The following PKHD1L1 variants were observed in gnomAD, a reference collection of about 807,000 sequenced individuals.
The protein encoded by PKHD1L1 is fibrocystin-L.
In PKHD1L1, 434 loss-of-function variants were observed where a neutral mutation model predicts 462.9. The ratio of observed to expected loss-of-function variants is 0.94; its 90% CI spans 0.87 to 1.02. The LOEUF (loss-of-function observed/expected upper bound fraction) is 1.02, where lower values mean the gene tolerates loss of function less well. Ranked by LOEUF, PKHD1L1 falls within the 50% of genes least tolerant of loss-of-function variation. PKHD1L1 has a pLI of 0.00. For synonymous variants in PKHD1L1, 1,781 were observed against 1,750.0 expected (o/e 1.02, Z -0.44); for missense variants, 5,202 against 5,096.1 (o/e 1.02, Z -0.63).
intron 50 of PKHD1L1, among the ~76,000 whole-genome samples, chr8:109,467,868 G>T (rs1012711037): frequency 1.3e-5 from 2 of 151,804 alleles, no homozygotes; most frequent in African/African-American, 4.8e-5. Flanking sequence ...ATGGAAAACT[G>T]TCATCATCAA....
Position 109,504,434 on chromosome 8 carries a change from A to G in PKHD1L1, c.10936A>G (p.Ile3646Val). 1 of 1,564,794 alleles carries G rather than the reference A, an allele frequency of 6.4e-7. No individual in the cohort carries two copies. Among genetic ancestry groups the G allele is most frequent in the East Asian group, 2.3e-5 (1 of 43,578 alleles). The change falls in exon 68 of 78, where the codon ATA (isoleucine) becomes GTA (valine). Residue 3646 changes from isoleucine (I) to valine (V), a missense_variant. Coordinates refer to ENST00000378402, the MANE Select transcript of PKHD1L1 (RefSeq NM_177531.6). ...DLQHPIHVKN[I>V]KLVDTTEQSK... ...ACAGCATCCAATCCATGTGAAGAAT[A>G]TAAAACTGGTTGATACCACTGAACA...
Position 109,483,095 on chromosome 8 carries a change from TGGA to T in PKHD1L1, c.9567_9569del (p.Asp3190del). On this transcript the variant is annotated inframe_deletion, in exon 57 of 78. Coordinates refer to ENST00000378402, the MANE Select transcript of PKHD1L1 (RefSeq NM_177531.6). ...AAAGTCCTGTCTCTGATGGATGCTG[TGGA>T]TTGGCAGGTAGACAAAATAATTATG... is the stretch of plus-strand genomic sequence containing the variant. The T allele has an allele frequency of 3.8e-6, 6 of 1,580,764 alleles. No homozygotes were observed. Among genetic ancestry groups the T allele is most frequent in the Non-Finnish European group, 5.2e-6 (6 of 1,163,662 alleles).
At chr8:109,461,651 A>C in intron 47 of PKHD1L1, 121 bp from the exon 48 acceptor site, 1 of 1,045,892 alleles carries the variant, frequency 9.6e-7, no homozygotes, top group Non-Finnish European at 1.4e-6. Flanking sequence ...GCAAATAACT[A>C]TGTTCTAGGA....
chr8:109,462,929 G>T (rs887711586), intron 48 of PKHD1L1, among the ~76,000 whole-genome samples: 23 of 152,030 alleles, frequency 1.5e-4, no homozygotes, highest in Admixed American at 7.9e-4. Context: ...TTTGACAAGG[G>T]TTATCGCTCC....
At chr8:109,476,947 G>T (rs997394744) in intron 52 of PKHD1L1, among the ~76,000 whole-genome samples, 11 of 152,058 alleles carry the variant, frequency 7.2e-5, no homozygotes, top group African/African-American at 2.7e-4. Context: ...GCTGGCATAT[G>T]TTTTGTTTCC....
In PKHD1L1 at chr8:109,438,886, TAAAATACCAGGAGAA is replaced by T. The variant is rs1815602181; in HGVS notation, c.3761-10_3765del. ...ACTTTTTGCATTATTTTTTAAATTT[TAAAATACCAGGAGAA>T]GTTAATTTAACAATTAAGGGCTATA... On this transcript the variant is annotated splice_acceptor_variant and splice_polypyrimidine_tract_variant and coding_sequence_variant and intron_variant, in exon 32 of 78. Transcript: ENST00000378402. LOFTEE classifies it high-confidence loss of function. The T allele has an allele frequency of 6.4e-7, 1 of 1,552,396 alleles. No individual in the cohort carries two copies. The highest frequency in any genetic ancestry group is 1.4e-5 in the African/African-American group (1 of 72,168).
In PKHD1L1 at chr8:109,420,539, C is replaced by T. The variant is rs547689763; in HGVS notation, c.2546C>T (p.Pro849Leu). The T allele has an allele frequency of 6.9e-6, 11 of 1,595,796 alleles. No homozygotes were observed. The African/African-American group carries it at 1.2e-4, about 18-fold the overall frequency. ...TTAGAAATGCCCAAGAGAAGACTTC[C>T]TGCATTAGCAAATAAAGGAATATTC... Reference protein sequence around the residue: ...TLDEMPKRRLPALANKGIFLE... With the variant: ...TLDEMPKRRLLALANKGIFLE... The change falls in exon 23 of 78, where the codon CCT becomes CTT. Residue 849 changes from proline to leucine, a missense_variant. Transcript: ENST00000378402.
chr8:109,428,262 G>A (rs1321837823), intron 25 of PKHD1L1, among the ~76,000 whole-genome samples: 2 of 152,120 alleles, frequency 1.3e-5, no homozygotes, highest in African/African-American at 2.4e-5. Flanking sequence ...AGTCACTGCA[G>A]CATTATTTGT....
At position 109,389,102 on chromosome 8, in the gene PKHD1L1, C is replaced by T. The variant is rs1415547006; in HGVS notation, c.647C>T (p.Pro216Leu). ...AGATATGGTCTAAAACTGGATCATC[C>T]AAATGGAGATATGGGTTCTATGGTT... ...DNLYGLKLDH[P>L]NGDMGSMVCK... Residue 216 changes from proline (P) to leucine (L), a missense_variant, in exon 8 of 78, where the codon CCA (proline) becomes CTA (leucine). This residue lies in a region of PKHD1L1 where 4,497 missense variants were observed against 4,336.8 expected (regional missense o/e 1.04). Transcript: ENST00000378402. 6 of 1,609,672 alleles carry T rather than the reference C, an allele frequency of 3.7e-6. No individual in the cohort carries two copies. In the Admixed American group the frequency reaches 1.0e-4, roughly 27 times the overall value.
chr8:109,459,830 G>T lies in PKHD1L1; in HGVS notation c.7240G>T (p.Asp2414Tyr). ...AATTCCTGCATGTCCTGATGGATTT[G>T]ACACAGGTAATTTTAGCAGCTCTCG... ...NKIPACPDGF[D>Y]TGEFATQTCL... The change falls in exon 47 of 78, where the codon GAC becomes TAC. Residue 2414 changes from aspartate to tyrosine, a missense_variant. By Grantham distance (160) the Asp-to-Tyr change is radical. This residue lies in a region of PKHD1L1 where 4,497 missense variants were observed against 4,336.8 expected (regional missense o/e 1.04). Coordinates refer to ENST00000378402, the MANE Select transcript of PKHD1L1 (RefSeq NM_177531.6). The T allele has an allele frequency of 6.2e-7, 1 of 1,608,328 alleles. No individual in the cohort carries two copies. Among genetic ancestry groups the T allele is most frequent in the South Asian group, 1.1e-5 (1 of 90,186 alleles).
intron 36 of PKHD1L1, 27 bp from the exon 37 acceptor site, chr8:109,443,649 C>T: frequency 6.5e-7 from 1 of 1,541,916 alleles, no homozygotes; most frequent in East Asian, 2.3e-5. Context: ...TTATTCATGA[C>T]TTAACGGGCA....
At chr8:109,460,257 G>T (rs1173105246) in intron 47 of PKHD1L1, among the ~76,000 whole-genome samples, 1 of 152,110 alleles carries the variant, frequency 6.6e-6, no homozygotes, top group Admixed American at 6.6e-5. Context: ...AACTATATTT[G>T]ATAGTGATAC....
At chr8:109,455,766 T>C (rs1249942646) in intron 45 of PKHD1L1, among the ~76,000 whole-genome samples, 1 of 152,170 alleles carries the variant, frequency 6.6e-6, no homozygotes, top group African/African-American at 2.4e-5. Flanking sequence ...GTCTTCCACA[T>C]TGCAATAATC....
intron 27 of PKHD1L1, among the ~76,000 whole-genome samples, chr8:109,430,751 C>A (rs1168927338): frequency 6.6e-6 from 1 of 151,536 alleles, no homozygotes; most frequent in African/African-American, 2.4e-5. Context: ...TATATTGGTA[C>A]CTCCTAAAAA....
chr8:109,392,341 G>A (rs780485490), intron 9 of PKHD1L1, among the ~76,000 whole-genome samples: 5 of 152,218 alleles, frequency 3.3e-5, no homozygotes, highest in Middle Eastern at 3.4e-3. Flanking sequence ...AGTGATCAAG[G>A]TTGAACGTGA....
At chr8:109,444,616 A>G in intron 37 of PKHD1L1, 45 bp from the exon 38 acceptor site, 1 of 1,523,276 alleles carries the variant, frequency 6.6e-7, no homozygotes, top group South Asian at 1.3e-5. Flanking sequence ...TTTATACTGG[A>G]GGTATGTATT....
chr8:109,475,256 TC>T lies in PKHD1L1; in HGVS notation c.8745del (p.Tyr2916MetfsTer9). 6.2e-7 allele frequency: 1 copy of T among 1,605,226 alleles called. No homozygotes were observed. The highest frequency in any genetic ancestry group is 8.5e-7 in the Non-Finnish European group (1 of 1,174,646). On this transcript the variant is annotated frameshift_variant, in exon 51 of 78. Coordinates refer to ENST00000378402, the MANE Select transcript of PKHD1L1 (RefSeq NM_177531.6). LOFTEE classifies it high-confidence loss of function. ...HITNISYTST[F>X]YGFKEEDYVI... Reference sequence around the variant, plus strand: ...ACCAACATTTCATATACATCGACATTCTATGGATTCAAGGTAAAAATATTTA... The same window carrying T: ...ACCAACATTTCATATACATCGACATTTATGGATTCAAGGTAAAAATATTTA...
At chr8:109,484,948 G>T in intron 57 of PKHD1L1, 96 bp from the exon 58 acceptor site, 1 of 1,008,548 alleles carries the variant, frequency 9.9e-7, no homozygotes, top group Non-Finnish European at 1.4e-6. Flanking sequence ...TTGCCAATGA[G>T]ATATACATTA....
Position 109,507,704 on chromosome 8 carries a change from C to T in PKHD1L1, c.11036C>T (p.Ala3679Val), listed in dbSNP as rs1353803942. 3 of 1,613,412 alleles carry T rather than the reference C, an allele frequency of 1.9e-6. No individual in the cohort carries two copies. Among genetic ancestry groups the T allele is most frequent in the Middle Eastern group, 1.7e-4 (1 of 6,056 alleles). Residue 3679 changes from alanine to valine, a missense_variant, in exon 69 of 78, where the codon GCC (alanine) becomes GTC (valine). Coordinates refer to ENST00000378402, the MANE Select transcript of PKHD1L1 (RefSeq NM_177531.6). Reference protein sequence around the residue: ...PSDCVDMVCDAKRKSFLRDID... With the variant: ...PSDCVDMVCDVKRKSFLRDID... ...GATTGTGTAGACATGGTTTGTGATG[C>T]CAAGAGGAAATCTTTTCTTAGAGAC...
Sources: gnomAD v4.1 joint callset for allele counts (sites outside exome capture counted in the v4.1 genomes callset) on GRCh38, gnomAD v4.1.1 for gene constraint, gnomAD v4.1.1 regional missense constraint, MANE v1.5 for transcripts, NCBI Gene and HGNC (gene_info 2026-07-23, HGNC 2026-07-21) for gene names.